Variants in ADAMTSL1 observed in about 807,000 individuals in gnomAD.
ADAMTSL1 encodes the protein ADAMTS-like protein 1.
In ADAMTSL1, 126 loss-of-function variants were observed where a neutral mutation model predicts 201.8. The observed-to-expected ratio is 0.62, with a 90% CI of 0.54 to 0.72. ADAMTSL1 has a LOEUF of 0.72. Ranked by LOEUF, ADAMTSL1 falls within the 30% of genes least tolerant of loss-of-function variation. ADAMTSL1 has a pLI of 0.00. For missense variants in ADAMTSL1, 2,679 were observed against 2,277.8 expected (o/e 1.18, Z -3.59); for synonymous variants, 1,121 against 903.4 (o/e 1.24, Z -4.32).
intron 18 of ADAMTSL1, among the ~76,000 whole-genome samples, chr9:18,776,164 A>G (rs1044944938): frequency 1.3e-5 from 2 of 151,432 alleles, no homozygotes; most frequent in African/African-American, 4.8e-5. Context: ...GAGATCTGGA[A>G]GCTGGAGGCA....
At chr9:18,905,666 C>A in intron 26 of ADAMTSL1, 116 bp from the exon 27 acceptor site, 1 of 731,666 alleles carries the variant, frequency 1.4e-6, no homozygotes, top group Non-Finnish European at 2.3e-6. Flanking sequence ...GATGAATGGT[C>A]TGAGAGCCTC....
chr9:18,178,939 G>A (rs1008348953), intron 2 of ADAMTSL1, among the ~76,000 whole-genome samples: 2 of 152,176 alleles, frequency 1.3e-5, no homozygotes, highest in East Asian at 1.9e-4. Context: ...AAACAGAGCA[G>A]AAAAACTGGA....
intron 1 of ADAMTSL1, among the ~76,000 whole-genome samples, chr9:17,940,056 G>A (rs899126111): frequency 7.2e-5 from 11 of 152,004 alleles, no homozygotes; most frequent in Non-Finnish European, 7.4e-5. Context: ...GAAACAATAG[G>A]TGTGGTTAGA....
chr9:18,367,690 A>G (rs1836834418), intron 2 of ADAMTSL1, among the ~76,000 whole-genome samples: 2 of 152,066 alleles, frequency 1.3e-5, no homozygotes, highest in Non-Finnish European at 2.9e-5. Flanking sequence ...TATTATCACC[A>G]TTTTGAACAG....
At chr9:18,225,478 A>G (rs529076153) in intron 2 of ADAMTSL1, among the ~76,000 whole-genome samples, 34 of 152,188 alleles carry the variant, frequency 2.2e-4, no homozygotes, top group Non-Finnish European at 3.8e-4. Context: ...GTTTCCAAAA[A>G]GTACATATTT....
chr9:18,214,891 C>G (rs1196009965), intron 2 of ADAMTSL1, among the ~76,000 whole-genome samples: 1 of 152,098 alleles, frequency 6.6e-6, no homozygotes, highest in African/African-American at 2.4e-5. Context: ...CCTGAATACA[C>G]TTTCTGTAGA....
At chr9:18,219,461 C>A (rs556238942) in intron 2 of ADAMTSL1, among the ~76,000 whole-genome samples, 1 of 151,824 alleles carries the variant, frequency 6.6e-6, no homozygotes, top group African/African-American at 2.4e-5. Flanking sequence ...GTCTGCCTTT[C>A]GGGTTCAAGC....
At chr9:18,894,192 G>GATTA (rs1376929203) in intron 26 of ADAMTSL1, among the ~76,000 whole-genome samples, 3 of 152,184 alleles carry the variant, frequency 2.0e-5, no homozygotes, top group Non-Finnish European at 4.4e-5. Context: ...AGACTTTTAA[G>GATTA]ATTACTGTCT....
intron 2 of ADAMTSL1, among the ~76,000 whole-genome samples, chr9:18,201,073 G>A (rs2132273849): frequency 6.6e-6 from 1 of 152,086 alleles, no homozygotes; most frequent in Admixed American, 6.6e-5. Flanking sequence ...GGGTCCCTTT[G>A]AAAATTCATC....
intron 1 of ADAMTSL1, among the ~76,000 whole-genome samples, chr9:18,135,189 C>T (rs1387166476): frequency 1.3e-5 from 2 of 152,106 alleles, no homozygotes; most frequent in Non-Finnish European, 2.9e-5. Context: ...GGAATCTGCT[C>T]TAGTTAAGTA....
At chr9:18,876,301 C>CGTGTGTGTGTGTGT (rs59150507) in intron 23 of ADAMTSL1, among the ~76,000 whole-genome samples, 13,808 of 139,452 alleles carry the variant, frequency 0.099, 1,045 homozygotes, top group African/African-American at 0.19. Context: ...TGCCTGAATA[C>CGTGTGTGTGTGTGT]GTGTGTGTGT....
chr9:18,839,156 G>T (rs1343798186), intron 23 of ADAMTSL1, among the ~76,000 whole-genome samples: 2 of 149,940 alleles, frequency 1.3e-5, no homozygotes, highest in African/African-American at 4.9e-5. Flanking sequence ...TTAGCATTAG[G>T]TATATCTCCT....
chr9:17,992,821 A>G (rs1348737457), intron 1 of ADAMTSL1, among the ~76,000 whole-genome samples: 1 of 152,198 alleles, frequency 6.6e-6, no homozygotes, highest in Non-Finnish European at 1.5e-5. Flanking sequence ...ACAACTAGAG[A>G]GTAAGGCAAG....
intron 1 of ADAMTSL1, among the ~76,000 whole-genome samples, chr9:18,145,762 T>C (rs1240936053): frequency 1.3e-5 from 2 of 152,134 alleles, no homozygotes; most frequent in Non-Finnish European, 2.9e-5. Flanking sequence ...AAACATTATC[T>C]AATTAAAATC....
At chr9:18,599,924 G>A (rs1022565190) in intron 4 of ADAMTSL1, among the ~76,000 whole-genome samples, 7 of 149,764 alleles carry the variant, frequency 4.7e-5, no homozygotes, top group African/African-American at 1.5e-4. Flanking sequence ...AGGCCGAGGC[G>A]GGCAGATCAG....
intron 15 of ADAMTSL1, chr9:18,723,141 G>T: frequency 1.4e-6 from 1 of 738,556 alleles, no homozygotes; most frequent in Admixed American, 1.9e-5. Context: ...TGCCCTTTAT[G>T]TTTCCACATC....
At chr9:18,187,262 G>C (rs72701537) in intron 2 of ADAMTSL1, among the ~76,000 whole-genome samples, 1 of 152,252 alleles carries the variant, frequency 6.6e-6, no homozygotes, top group South Asian at 2.1e-4. Flanking sequence ...CCTTATAGAT[G>C]ATGGTGAAAA....
At chr9:18,506,399 G>A (rs1817660433) in intron 2 of ADAMTSL1, among the ~76,000 whole-genome samples, 1 of 152,052 alleles carries the variant, frequency 6.6e-6, no homozygotes, top group African/African-American at 2.4e-5. Flanking sequence ...ATTTTATAGA[G>A]GTGAGCCAAA....
At chr9:18,712,191 C>T (rs557356358) in intron 14 of ADAMTSL1, among the ~76,000 whole-genome samples, 54 of 152,072 alleles carry the variant, frequency 3.6e-4, no homozygotes, top group Non-Finnish European at 6.3e-4. Context: ...AGCAGAGCGC[C>T]TCTCCTCCTC....
Sources: allele counts gnomAD v4.1 joint callset (sites outside exome capture counted in the v4.1 genomes callset), GRCh38; gene constraint gnomAD v4.1.1; transcripts MANE v1.5; gene names NCBI Gene and HGNC (gene_info 2026-07-23, HGNC 2026-07-21).